Variants in NPR3 observed in about 807,000 individuals in gnomAD.
NPR3 encodes the protein atrial natriuretic peptide receptor 3.
NPR3 carries 34 observed loss-of-function variants against 54.5 expected under a neutral mutation model. That is an observed-to-expected ratio of 0.62 (90% confidence interval 0.47 to 0.83). The LOEUF is 0.83. NPR3 is among the 40% of genes least tolerant of loss of function. The pLI is 0.00. For missense variants in NPR3, 674 were observed against 720.8 expected (o/e 0.94, Z 0.74); for synonymous variants, 289 against 297.1 (o/e 0.97, Z 0.28).
intron 1 of NPR3, chr5:32,716,349 A>G (rs1242600438): frequency 2.2e-6 from 1 of 447,444 alleles, no homozygotes; most frequent in Non-Finnish European, 4.4e-6. Context: ...TGACCTTCAT[A>G]TCTCTTAATA....
intron 3 of NPR3, among the ~76,000 whole-genome samples, chr5:32,757,555 G>A (rs1401612136): frequency 3.3e-5 from 5 of 152,162 alleles, no homozygotes; most frequent in African/African-American, 4.8e-5. Flanking sequence ...AACAGGGACA[G>A]TTTGACTTCC....
intron 1 of NPR3, among the ~76,000 whole-genome samples, chr5:32,724,046 G>A (rs1016122557): frequency 3.9e-5 from 6 of 152,266 alleles, no homozygotes; most frequent in Admixed American, 2.0e-4. Flanking sequence ...ACATTCAACT[G>A]TGTACTTCCT....
chr5:32,769,856 A>G (rs888741010), intron 3 of NPR3, among the ~76,000 whole-genome samples: 25 of 152,188 alleles, frequency 1.6e-4, no homozygotes, highest in African/African-American at 5.8e-4. Context: ...GAACACAGGC[A>G]TTGAGGGATT....
intron 2 of NPR3, among the ~76,000 whole-genome samples, chr5:32,727,419 C>T (rs533678959): frequency 1.6e-4 from 24 of 152,298 alleles, no homozygotes; most frequent in African/African-American, 5.3e-4. Flanking sequence ...CATGAGCTAC[C>T]ATGCTGCCTG....
rs1224288699 is a variant in NPR3, at chr5:32,724,899, TA to T, written c.892+82del. ...AGATGCCCATGAATGGTGGGTTGGA[TA>T]AATAATATGTGGTACATAAACACCA... On this transcript the variant is annotated intron_variant, in intron 2 of 7. Transcript: ENST00000265074. 61 of 1,497,916 alleles carry T rather than the reference TA, an allele frequency of 4.1e-5. No individual in the cohort carries two copies. In the Admixed American group the frequency reaches 1.0e-3, roughly 25 times the overall value. The allele number at this position is 1,497,916 out of a possible 1,614,324, so 92.8% of individuals were successfully genotyped here.
intron 3 of NPR3, among the ~76,000 whole-genome samples, chr5:32,754,133 C>A (rs1331077669): frequency 6.6e-6 from 1 of 152,128 alleles, no homozygotes; most frequent in African/African-American, 2.4e-5. Context: ...GAGCAGAGTT[C>A]TGGTTCATAA....
chr5:32,698,790 C>T (rs147987233), intron 1 of NPR3, among the ~76,000 whole-genome samples: 10 of 152,150 alleles, frequency 6.6e-5, no homozygotes, highest in Admixed American at 5.9e-4. Flanking sequence ...TATAGCTACT[C>T]CTGCCCCTTT....
chr5:32,780,960 G>A (rs1742308171), intron 5 of NPR3, 144 bp downstream of exon 5: 2 of 591,986 alleles, frequency 3.4e-6, no homozygotes, highest in Non-Finnish European at 6.0e-6. Context: ...TTGATTGAGG[G>A]TTCAAGGAAG....
At chr5:32,709,391 T>C (rs1453588435), upstream of NPR3, 1 of 145,910 alleles carries the variant, frequency 6.9e-6, no homozygotes. Flanking sequence ...TAGTTCTTGT[T>C]TTGTTGTTGT....
chr5:32,746,921 T>C (rs963813783), intron 3 of NPR3, among the ~76,000 whole-genome samples: 2 of 152,168 alleles, frequency 1.3e-5, no homozygotes, highest in Admixed American at 1.3e-4. Context: ...GTTGTTTAAG[T>C]CAAAATAATA....
At chr5:32,715,088 C>A (rs928518899) in intron 1 of NPR3, among the ~76,000 whole-genome samples, 2 of 152,114 alleles carry the variant, frequency 1.3e-5, no homozygotes, top group African/African-American at 4.8e-5. Flanking sequence ...TCACCTTTAC[C>A]CCAAGGGTGA....
Position 32,782,881 on chromosome 5 carries a change from GC to G in NPR3, c.1291-10del. 1.1e-5 allele frequency: 18 copies of G among 1,583,480 alleles called. No homozygotes were observed. The highest frequency in any genetic ancestry group is 1.5e-5 in the Non-Finnish European group (18 of 1,167,888). ...TTTTTGGTTTGTCTATTTGTTTTTT[GC>G]CTCTATATAGGTTATTGGTGATTAT... is the stretch of plus-strand genomic sequence containing the variant. On this transcript the variant is annotated splice_polypyrimidine_tract_variant and intron_variant, in intron 5 of 7. Transcript: ENST00000265074.
chr5:32,704,144 G>A (rs1463148923), intron 1 of NPR3, among the ~76,000 whole-genome samples: 6 of 152,104 alleles, frequency 3.9e-5, no homozygotes, highest in Non-Finnish European at 8.8e-5. Flanking sequence ...GCAGCACTGG[G>A]TCCCAGTGCA....
chr5:32,782,200 G>A (rs144122646), intron 5 of NPR3, among the ~76,000 whole-genome samples: 1,599 of 152,236 alleles, frequency 0.011, 10 homozygotes, highest in Non-Finnish European at 0.018. Flanking sequence ...AGAGGAGAGT[G>A]CAACTCTTGA....
At chr5:32,699,472 C>T (rs1180489276) in intron 1 of NPR3, among the ~76,000 whole-genome samples, 3 of 152,222 alleles carry the variant, frequency 2.0e-5, no homozygotes, top group African/African-American at 7.2e-5. Flanking sequence ...ATCCCCTAAC[C>T]CCCTGACTGG....
chr5:32,782,950 T>C lies in NPR3; in HGVS notation c.1348T>C (p.Tyr450His), dbSNP rs746059918. The C allele has an allele frequency of 4.3e-6, 7 of 1,611,436 alleles. No homozygotes were observed. ...TTTTGAAATGCGGCCGAATGTCAAA[T>C]ATCCTTGGGGCCCTTTAAAACTGAG... The part of the protein sequence containing the change: ...GRFEMRPNVK[Y>H]PWGPLKLRID... The change falls in exon 6 of 8, where the codon TAT becomes CAT. Residue 450 changes from tyrosine (Y) to histidine (H), a missense_variant. Coordinates refer to ENST00000265074, the MANE Select transcript of NPR3 (RefSeq NM_001204375.2).
At chr5:32,771,609 C>T (rs917553259) in intron 3 of NPR3, among the ~76,000 whole-genome samples, 1 of 152,054 alleles carries the variant, frequency 6.6e-6, no homozygotes, top group Admixed American at 6.6e-5. Flanking sequence ...TCAACATCAA[C>T]GTGGTGGTCC....
At chr5:32,775,821 C>T (rs1283410082) in intron 4 of NPR3, among the ~76,000 whole-genome samples, 1 of 152,136 alleles carries the variant, frequency 6.6e-6, no homozygotes, top group East Asian at 1.9e-4. Flanking sequence ...TGGTCTCAAA[C>T]TCCTGACTGC....
chr5:32,695,739 A>T (rs1364191238), intron 1 of NPR3, among the ~76,000 whole-genome samples: 1 of 152,122 alleles, frequency 6.6e-6, no homozygotes, highest in African/African-American at 2.4e-5. Flanking sequence ...ATGATATCTC[A>T]TTGTAGTTTT....
Sources: gnomAD v4.1 joint callset for allele counts (sites outside exome capture counted in the v4.1 genomes callset) on GRCh38, gnomAD v4.1.1 for gene constraint, MANE v1.5 for transcripts, NCBI Gene and HGNC (gene_info 2026-07-23, HGNC 2026-07-21) for gene names.